The following CNRIP1 variants were observed in gnomAD, a reference collection of about 807,000 sequenced individuals.
CNRIP1 encodes CB1 cannabinoid receptor-interacting protein 1.
CNRIP1 carries 10 observed loss-of-function variants against 15.2 expected under a neutral mutation model. That is an observed-to-expected ratio of 0.66 (90% CI 0.41 to 1.12). The LOEUF (loss-of-function observed/expected upper bound fraction) is 1.12, where lower values mean the gene tolerates loss of function less well. Ranked by LOEUF, CNRIP1 falls within the 50% of genes most tolerant of loss-of-function variation. The probability of loss-of-function intolerance (pLI) is 0.00; values close to 1 mark genes in which losing one functional copy is unlikely to be tolerated. For synonymous variants in CNRIP1, 91 were observed against 83.2 expected (o/e 1.09, Z -0.51); for missense variants, 211 against 214.7 (o/e 0.98, Z 0.11).
At chr2:68,314,784 A>C (rs1298913833) in intron 2 of CNRIP1, among the ~76,000 whole-genome samples, 2 of 152,062 alleles carry the variant, frequency 1.3e-5, no homozygotes, top group Non-Finnish European at 2.9e-5. Context: ...TATGAAACTG[A>C]CCTTTGGAGA....
Position 68,319,374 on chromosome 2 carries a change from G to T in CNRIP1, c.27C>A (p.Arg9=), listed in dbSNP as rs1192459035. 6.3e-7 allele frequency: 1 copy of T among 1,584,886 alleles called. No individual in the cohort carries two copies. Among genetic ancestry groups the T allele is most frequent in the South Asian group, 1.1e-5 (1 of 87,926 alleles). ...GCTGGATGCGCAGCGCGATGGAGAG[G>T]CGCACGAGGCCCGGCAGGTCCCCCA... MGDLPGLV[R]LSIALRIQPN... The change falls in exon 1 of 3, where the codon CGC becomes CGA. Residue 9 remains arginine, a synonymous_variant. Transcript: ENST00000263655.
At chr2:68,284,429 T>C in exon 3 of CNRIP1, 1 of 1,516,844 alleles carries the variant, frequency 6.6e-7, no homozygotes, top group Non-Finnish European at 8.8e-7. Flanking sequence ...AGAATGTGCT[T>C]ATTCTTCACA....
intron 2 of CNRIP1, among the ~76,000 whole-genome samples, chr2:68,304,036 C>T (rs9789604): frequency 0.19 from 28,207 of 151,680 alleles, 3,367 homozygotes; most frequent in East Asian, 0.58. Context: ...AAGATCACAC[C>T]ACTGCACTCC....
chr2:68,304,749 T>C (rs1440895576), intron 2 of CNRIP1, among the ~76,000 whole-genome samples: 1 of 151,932 alleles, frequency 6.6e-6, no homozygotes, highest in Non-Finnish European at 1.5e-5. Context: ...ACCTCCCAAG[T>C]AGCTGGGACT....
At chr2:68,301,098 TACAG>T (rs1429907148) in intron 2 of CNRIP1, among the ~76,000 whole-genome samples, 3 of 152,328 alleles carry the variant, frequency 2.0e-5, no homozygotes, top group South Asian at 4.1e-4. Context: ...CAAGAGAAAT[TACAG>T]ACAGATTCCT....
At chr2:68,284,513 T>C (rs1670979960) in intron 2 of CNRIP1, 1 of 1,484,460 alleles carries the variant, frequency 6.7e-7, no homozygotes, top group African/African-American at 1.4e-5. Flanking sequence ...CAGAATAAGT[T>C]TGAGAAAACC....
intron 2 of CNRIP1, among the ~76,000 whole-genome samples, chr2:68,300,371 C>A (rs1470880289): frequency 6.6e-6 from 1 of 152,314 alleles, no homozygotes. Context: ...GCAATCCCAG[C>A]ATTTTGGGAG....
intron 2 of CNRIP1, among the ~76,000 whole-genome samples, chr2:68,306,330 A>G: frequency 6.6e-6 from 1 of 151,222 alleles, no homozygotes. Context: ...TCAAAAAAAA[A>G]AAAAAAAGGA....
chr2:68,313,404 A>T (rs1293832972), intron 2 of CNRIP1, among the ~76,000 whole-genome samples: 1 of 152,192 alleles, frequency 6.6e-6, no homozygotes, highest in Non-Finnish European at 1.5e-5. Flanking sequence ...TTTATTCATA[A>T]TAGCAAAAGC....
chr2:68,286,304 T>G (rs1671029244), intron 2 of CNRIP1, among the ~76,000 whole-genome samples: 1 of 140,464 alleles, frequency 7.1e-6, no homozygotes, highest in African/African-American at 2.8e-5. Context: ...TTGGGGAAAT[T>G]AAGGACCTTA....
At chr2:68,317,421 G>T in intron 1 of CNRIP1, 114 bp from the exon 2 acceptor site, 1 of 1,121,630 alleles carries the variant, frequency 8.9e-7, no homozygotes, top group Non-Finnish European at 1.3e-6. Context: ...GGGGGGCATT[G>T]TGGTGCGGGA....
chr2:68,296,564 A>ATGTGTGTGTGTG (rs140524601), intron 2 of CNRIP1, among the ~76,000 whole-genome samples: 12,566 of 151,064 alleles, frequency 0.083, 697 homozygotes, highest in Non-Finnish European at 0.12. Flanking sequence ...ATATATGTGT[A>ATGTGTGTGTGTG]TGTGTGTGTG....
chr2:68,295,430 G>C (rs2103619259), intron 2 of CNRIP1, among the ~76,000 whole-genome samples: 1 of 152,276 alleles, frequency 6.6e-6, no homozygotes, highest in South Asian at 2.1e-4. Context: ...TCTTTTTAGA[G>C]AGTCATGGCT....
At chr2:68,305,666 A>G (rs1054807024) in intron 2 of CNRIP1, among the ~76,000 whole-genome samples, 15 of 151,122 alleles carry the variant, frequency 9.9e-5, no homozygotes, top group Admixed American at 2.0e-4. Flanking sequence ...CATGGTGGCG[A>G]GCACCTGTAG....
intron 2 of CNRIP1, among the ~76,000 whole-genome samples, chr2:68,285,344 G>A (rs1364253854): frequency 6.6e-6 from 1 of 151,934 alleles, no homozygotes; most frequent in East Asian, 1.9e-4. Flanking sequence ...TCTACACAAT[G>A]CAGAACTGCC....
chr2:68,305,244 C>CAAA (rs60243249), intron 2 of CNRIP1, among the ~76,000 whole-genome samples: 24 of 91,632 alleles, frequency 2.6e-4, no homozygotes, highest in African/African-American at 7.0e-4. Flanking sequence ...AACTCCGTCT[C>CAAA]AAAAAAAAAA....
intron 1 of CNRIP1, among the ~76,000 whole-genome samples, chr2:68,318,612 C>T (rs1257023030): frequency 6.6e-6 from 1 of 152,212 alleles, no homozygotes; most frequent in Non-Finnish European, 1.5e-5. Flanking sequence ...CAGCATACGG[C>T]ATGGAAAACC....
At chr2:68,291,878 CAAAA>C (rs527648471), downstream of CNRIP1, among the ~76,000 whole-genome samples, 3 of 85,016 alleles carry the variant, frequency 3.5e-5, no homozygotes, top group East Asian at 3.3e-4. Flanking sequence ...GACTCCATCT[CAAAA>C]AAAAAAAAAA....
Position 68,293,966 on chromosome 2 carries a change from G to A in CNRIP1, c.391C>T (p.Arg131Trp), listed in dbSNP as rs781162109. ...GGGCTTCCCCACTGGCAGTGATCCCGCTTGTGGTAATTGTAGAACTTGACT... is the reference window on the plus strand; with the variant it reads ...GGGCTTCCCCACTGGCAGTGATCCCACTTGTGGTAATTGTAGAACTTGACT... ...WQVKFYNYHK[R>W]DHCQWGSPFS... The change falls in exon 3 of 3, where the codon CGG becomes TGG. Residue 131 changes from arginine to tryptophan, a missense_variant. Transcript: ENST00000263655. The A allele has an allele frequency of 1.1e-4, 172 of 1,613,932 alleles. No individual in the cohort carries two copies. Among genetic ancestry groups the A allele is most frequent in the South Asian group, 9.9e-4 (90 of 91,064 alleles).
Sources: gnomAD v4.1 joint callset for allele counts (sites outside exome capture counted in the v4.1 genomes callset) on GRCh38, gnomAD v4.1.1 for gene constraint, MANE v1.5 for transcripts, NCBI Gene and HGNC (gene_info 2026-07-23, HGNC 2026-07-21) for gene names.